SLC24A2: variants seen among roughly 807,000 people sequenced by gnomAD.
SLC24A2 encodes the protein solute carrier family 24 member 2.
SLC24A2 carries 36 observed loss-of-function variants against 62.0 expected under a neutral mutation model. That is an observed-to-expected ratio of 0.58 (90% CI 0.44 to 0.77). The LOEUF is 0.77. Ranked by LOEUF, SLC24A2 falls within the 30% of genes least tolerant of loss-of-function variation. SLC24A2 has a pLI of 0.00. For synonymous variants in SLC24A2, 358 were observed against 294.0 expected, an observed-to-expected ratio of 1.22 and a Z score of -2.23; for missense variants, 846 against 817.9, an observed-to-expected ratio of 1.03 and a Z score of -0.42.
intron 2 of SLC24A2, among the ~76,000 whole-genome samples, chr9:19,733,269 T>C (rs757633905): frequency 6.6e-6 from 1 of 152,176 alleles, no homozygotes; most frequent in Non-Finnish European, 1.5e-5. Context: ...TATTTGTGAA[T>C]GCATTTCACA....
chr9:19,725,631 T>C (rs6475364), intron 2 of SLC24A2, among the ~76,000 whole-genome samples: 4,757 of 152,240 alleles, frequency 0.031, 252 homozygotes, highest in African/African-American at 0.11. Context: ...AAAGGAAATA[T>C]GTGCAAGAAT....
chr9:19,681,701 A>G (rs1390999525), intron 2 of SLC24A2, among the ~76,000 whole-genome samples: 1 of 152,144 alleles, frequency 6.6e-6, no homozygotes, highest in Non-Finnish European at 1.5e-5. Context: ...ATGCAGCACA[A>G]TCCATAAAAA....
chr9:20,225,025 A>G, the SLC24A2 span, among the ~76,000 whole-genome samples: 1 of 151,990 alleles, frequency 6.6e-6, no homozygotes, highest in South Asian at 2.1e-4. Flanking sequence ...CTGAGGCAAG[A>G]CCTCAGAGGA....
At chr9:19,871,500 C>A in the SLC24A2 span, among the ~76,000 whole-genome samples, 1 of 152,146 alleles carries the variant, frequency 6.6e-6, no homozygotes, top group Non-Finnish European at 1.5e-5. Flanking sequence ...TGCTATCTCA[C>A]ATCTGCATTT....
the SLC24A2 span, among the ~76,000 whole-genome samples, chr9:19,808,798 C>G: frequency 1.2e-4 from 19 of 152,316 alleles, no homozygotes; most frequent in South Asian, 3.9e-3. This position sits in a 1 kb window ranked among gnomAD's most constrained non-coding sequence, Gnocchi z 4.1. Flanking sequence ...GGGCTGACCC[C>G]TCCTCTACAT....
chr9:20,303,739 A>G, the SLC24A2 span, among the ~76,000 whole-genome samples: 1 of 152,314 alleles, frequency 6.6e-6, no homozygotes, highest in South Asian at 2.1e-4. Flanking sequence ...GAACTTTGCC[A>G]CCAGAAGGGT....
chr9:20,029,245 G>A, the SLC24A2 span, among the ~76,000 whole-genome samples: 2 of 152,198 alleles, frequency 1.3e-5, no homozygotes, highest in Admixed American at 1.3e-4. Flanking sequence ...CCTGGCTGGG[G>A]GACAGCAGCC....
the SLC24A2 span, among the ~76,000 whole-genome samples, chr9:20,198,220 A>G: frequency 6.6e-6 from 1 of 152,144 alleles, no homozygotes; most frequent in African/African-American, 2.4e-5. Flanking sequence ...GGAAAGGGGG[A>G]AAAAAGCATG....
the SLC24A2 span, among the ~76,000 whole-genome samples, chr9:20,152,662 A>G: frequency 1.3e-5 from 2 of 151,872 alleles, no homozygotes; most frequent in Non-Finnish European, 2.9e-5. Context: ...GAAAAAGGAC[A>G]GCTGTGTCCA....
At chr9:20,254,273 G>T in the SLC24A2 span, among the ~76,000 whole-genome samples, 15 of 152,152 alleles carry the variant, frequency 9.9e-5, no homozygotes, top group Non-Finnish European at 1.9e-4. Context: ...ATGTTTCTTA[G>T]GGAGGGTGAG....
At chr9:19,547,701 T>C (rs918900848) in intron 8 of SLC24A2, among the ~76,000 whole-genome samples, 1 of 151,586 alleles carries the variant, frequency 6.6e-6, no homozygotes, top group African/African-American at 2.4e-5. Context: ...CATCAACCAA[T>C]CTGCCCCCAT....
chr9:19,685,463 A>C (rs1819852893), intron 2 of SLC24A2, among the ~76,000 whole-genome samples: 1 of 152,212 alleles, frequency 6.6e-6, no homozygotes, highest in Non-Finnish European at 1.5e-5. Flanking sequence ...GGCAATCCTA[A>C]GTAAAAAGAA....
chr9:19,647,327 C>T (rs1818672726), intron 2 of SLC24A2, among the ~76,000 whole-genome samples: 2 of 152,280 alleles, frequency 1.3e-5, no homozygotes, highest in East Asian at 3.9e-4. Flanking sequence ...TCTCAGAGAA[C>T]TTAGAGATGG....
chr9:19,714,151 C>T (rs1820792174), intron 2 of SLC24A2, among the ~76,000 whole-genome samples: 1 of 152,196 alleles, frequency 6.6e-6, no homozygotes. Context: ...ACAACACACA[C>T]TGCTATCCTT....
At chr9:19,575,498 T>A (rs1418200041) in intron 6 of SLC24A2, among the ~76,000 whole-genome samples, 1 of 152,220 alleles carries the variant, frequency 6.6e-6, no homozygotes, top group African/African-American at 2.4e-5. Context: ...TCTTAGCTTA[T>A]AAAGTGCTTT....
chr9:19,519,008 T>A (rs893321974), intron 10 of SLC24A2, among the ~76,000 whole-genome samples: 6 of 152,104 alleles, frequency 3.9e-5, no homozygotes, highest in Admixed American at 6.5e-5. Context: ...TTTTTCTGCA[T>A]AAAGATGTTG....
the SLC24A2 span, among the ~76,000 whole-genome samples, chr9:20,189,275 T>G: frequency 2.0e-5 from 3 of 152,054 alleles, no homozygotes; most frequent in African/African-American, 7.2e-5. Context: ...CCCCAAGTAG[T>G]TCTTAAGAGC....
the SLC24A2 span, among the ~76,000 whole-genome samples, chr9:19,844,485 G>C: frequency 5.3e-5 from 8 of 152,042 alleles, no homozygotes; most frequent in East Asian, 3.8e-4. Context: ...TCATATGATA[G>C]TTTCTTTTGC....
At chr9:20,129,416 C>A in the SLC24A2 span, among the ~76,000 whole-genome samples, 1 of 152,242 alleles carries the variant, frequency 6.6e-6, no homozygotes, top group African/African-American at 2.4e-5. Context: ...TAGGACCCAG[C>A]AATTCCACCA....
Sources: allele counts gnomAD v4.1 joint callset (sites outside exome capture counted in the v4.1 genomes callset), GRCh38; gene constraint gnomAD v4.1.1; non-coding constraint Gnocchi (gnomAD v3.1); transcripts MANE v1.5; gene names NCBI Gene and HGNC (gene_info 2026-07-23, HGNC 2026-07-21).